The following KCND3 variants were observed in gnomAD, a reference collection of about 807,000 sequenced individuals.
The protein encoded by KCND3 is A-type voltage-gated potassium channel KCND3.
KCND3 carries 9 observed loss-of-function variants against 51.1 expected under a neutral mutation model. The ratio of observed to expected loss-of-function variants is 0.18; its 90% CI spans 0.11 to 0.31. The LOEUF is 0.31. KCND3 is among the 10% of genes least tolerant of loss of function. The pLI, the probability that KCND3 is intolerant of heterozygous loss-of-function variation, is 1.00. For missense variants in KCND3, 526 were observed against 903.8 expected (o/e 0.58, Z 5.36); for synonymous variants, 349 against 368.0 (o/e 0.95, Z 0.59).
At chr1:111,988,134 CT>C (rs1042949442) in intron 1 of KCND3, among the ~76,000 whole-genome samples, 44 of 152,312 alleles carry the variant, frequency 2.9e-4, no homozygotes, top group African/African-American at 1.0e-3. Context: ...TGGAAACTTA[CT>C]TTCCACAATC....
chr1:111,880,939 C>T (rs993949518), intron 2 of KCND3, among the ~76,000 whole-genome samples: 1 of 152,154 alleles, frequency 6.6e-6, no homozygotes, highest in Non-Finnish European at 1.5e-5. Flanking sequence ...TTGCTAGCCT[C>T]GGTCTGCCTT....
At chr1:111,830,133 G>A (rs1666768675) in intron 2 of KCND3, among the ~76,000 whole-genome samples, 1 of 152,114 alleles carries the variant, frequency 6.6e-6, no homozygotes, top group African/African-American at 2.4e-5. Context: ...AGCTCTATGA[G>A]AACAGAAACC....
At chr1:111,964,233 G>C (rs1399299126) in intron 2 of KCND3, among the ~76,000 whole-genome samples, 2 of 152,182 alleles carry the variant, frequency 1.3e-5, no homozygotes, top group Non-Finnish European at 2.9e-5. Flanking sequence ...TTGACACACT[G>C]CTCTGGTCAA....
At chr1:111,830,637 A>G (rs186748413) in intron 2 of KCND3, among the ~76,000 whole-genome samples, 1 of 152,354 alleles carries the variant, frequency 6.6e-6, no homozygotes, top group Admixed American at 6.5e-5. Context: ...TACTACAAAC[A>G]AAACCACAGA....
chr1:111,801,402 G>T (rs1234814970), intron 2 of KCND3, among the ~76,000 whole-genome samples: 1 of 152,208 alleles, frequency 6.6e-6, no homozygotes, highest in Non-Finnish European at 1.5e-5. Context: ...ACAGAAGCTG[G>T]GCTGGTCAAC....
chr1:111,803,325 A>G (rs753982016), intron 2 of KCND3, among the ~76,000 whole-genome samples: 1 of 152,100 alleles, frequency 6.6e-6, no homozygotes, highest in Non-Finnish European at 1.5e-5. Context: ...TACATGTTTT[A>G]TAAGTACATG....
chr1:111,841,841 G>A (rs935018761), intron 2 of KCND3, among the ~76,000 whole-genome samples: 2 of 152,198 alleles, frequency 1.3e-5, no homozygotes, highest in Admixed American at 1.3e-4. Flanking sequence ...GTGTCTGCTT[G>A]TTTGAGGCTG....
intron 2 of KCND3, among the ~76,000 whole-genome samples, chr1:111,819,229 G>A (rs1666241931): frequency 6.6e-6 from 1 of 152,156 alleles, no homozygotes; most frequent in African/African-American, 2.4e-5. Context: ...CCCAGCCTGG[G>A]AGTGTGGGAC....
intron 3 of KCND3, among the ~76,000 whole-genome samples, chr1:111,782,655 C>G (rs1192295443): frequency 6.6e-6 from 1 of 152,100 alleles, no homozygotes; most frequent in African/African-American, 2.4e-5. Context: ...TTATTATAGT[C>G]TTATATAATT....
chr1:111,849,210 A>G (rs1174523939), intron 2 of KCND3, among the ~76,000 whole-genome samples: 2 of 152,158 alleles, frequency 1.3e-5, no homozygotes, highest in Non-Finnish European at 2.9e-5. Context: ...TGCTGCTACA[A>G]TACCACCAAA....
At chr1:111,848,514 G>A (rs1285125606) in intron 2 of KCND3, among the ~76,000 whole-genome samples, 2 of 152,166 alleles carry the variant, frequency 1.3e-5, no homozygotes, top group East Asian at 3.9e-4. Flanking sequence ...CTATATAGCT[G>A]CAAACAAATA....
In KCND3 at chr1:111,780,370, G is replaced by A. The variant is rs898407461; in HGVS notation, c.1372-56C>T. 6.8e-7 allele frequency: 1 copy of A among 1,466,394 alleles called. No individual in the cohort carries two copies. The highest frequency in any genetic ancestry group is 1.4e-5 in the African/African-American group (1 of 71,260). The allele number at this position is 1,466,394 out of a possible 1,614,324, so 90.8% of individuals were successfully genotyped here. ...AAGCTGGTGGCTCTTCCCCTCTCCA[G>A]CTCCTTCATTTCTCCACTAAAGGTC... On this transcript the variant is annotated intron_variant, in intron 4 of 7. Coordinates refer to ENST00000302127, the MANE Select transcript of KCND3 (RefSeq NM_001378969.1). This position sits in a 1 kb window ranked among gnomAD's most constrained non-coding sequence, Gnocchi z 4.2.
intron 2 of KCND3, among the ~76,000 whole-genome samples, chr1:111,846,866 C>T (rs1667573847): frequency 6.6e-6 from 1 of 152,102 alleles, no homozygotes; most frequent in Non-Finnish European, 1.5e-5. Flanking sequence ...AATGAAGCAG[C>T]CCTGGGCAGT....
rs1280290230 is a variant in KCND3, at chr1:111,777,056, T to G, written c.1736A>C (p.Gln579Pro). Residue 579 changes from glutamine to proline, a missense_variant, in exon 7 of 8, where the codon CAG becomes CCG. This residue lies in a region of KCND3 where 266 missense variants were observed against 305.5 expected (regional missense o/e 0.87). Transcript: ENST00000302127. ...TGTGAGGGAGGGCTGCTCACTGCCCTGGATGTGGATCGTGCTGAGCTCTTG... is the reference window on the plus strand; with the variant it reads ...TGTGAGGGAGGGCTGCTCACTGCCCGGGATGTGGATCGTGCTGAGCTCTTG... ...SMQELSTIHI[Q>P]GSEQPSLTTS... is the part of the protein sequence containing the mutation. The G allele has an allele frequency of 6.2e-7, 1 of 1,613,834 alleles. No individual in the cohort carries two copies. Among genetic ancestry groups the G allele is most frequent in the Admixed American group, 1.7e-5 (1 of 60,020 alleles).
At chr1:111,784,105 A>T (rs796640668) in intron 3 of KCND3, among the ~76,000 whole-genome samples, 96 of 108,502 alleles carry the variant, frequency 8.8e-4, no homozygotes, top group African/African-American at 3.6e-3. Flanking sequence ...TTAACTTATC[A>T]CACACACACA....
At chr1:111,881,895 G>A (rs1314681979) in intron 2 of KCND3, among the ~76,000 whole-genome samples, 1 of 152,210 alleles carries the variant, frequency 6.6e-6, no homozygotes, top group Non-Finnish European at 1.5e-5. Context: ...TAGGTCTACA[G>A]GGCTGGAGCC....
chr1:111,929,095 C>T (rs1055721106), intron 2 of KCND3, among the ~76,000 whole-genome samples: 1 of 152,210 alleles, frequency 6.6e-6, no homozygotes, highest in African/African-American at 2.4e-5. Flanking sequence ...GTTGCAAGCA[C>T]CTGGTGTAAT....
chr1:111,796,158 G>A (rs1283871230), intron 2 of KCND3, among the ~76,000 whole-genome samples: 1 of 152,182 alleles, frequency 6.6e-6, no homozygotes, highest in Non-Finnish European at 1.5e-5. Flanking sequence ...TCTGTCGGCA[G>A]TTTCTTTTGC....
intron 2 of KCND3, among the ~76,000 whole-genome samples, chr1:111,911,421 C>T (rs774046247): frequency 6.6e-6 from 1 of 152,156 alleles, no homozygotes; most frequent in Non-Finnish European, 1.5e-5. Flanking sequence ...CAGAATGGAC[C>T]ATTCAGGTGC....
Sources: gnomAD v4.1 joint callset for allele counts (sites outside exome capture counted in the v4.1 genomes callset) on GRCh38, gnomAD v4.1.1 for gene constraint, gnomAD v4.1.1 regional missense constraint, Gnocchi (gnomAD v3.1) non-coding constraint, MANE v1.5 for transcripts, NCBI Gene and HGNC (gene_info 2026-07-23, HGNC 2026-07-21) for gene names.